BCKDHB: variants seen among roughly 807,000 people sequenced by gnomAD.
BCKDHB encodes 2-oxoisovalerate dehydrogenase subunit beta, mitochondrial.
BCKDHB carries 41 observed loss-of-function variants against 48.5 expected under a neutral mutation model. That is an observed-to-expected ratio of 0.85 (90% CI 0.66 to 1.10). The LOEUF is 1.10. BCKDHB is among the 50% of genes least tolerant of loss of function. BCKDHB has a pLI of 0.00. For missense variants in BCKDHB, 496 were observed against 494.2 expected (o/e 1.00, Z -0.03); for synonymous variants, 201 against 174.8 (o/e 1.15, Z -1.18).
rs372922388 is a variant in BCKDHB, at chr6:80,240,738, T to C, written c.952-32397T>C. Among the ~76,000 whole-genome samples, 23 of 152,306 alleles carry C rather than the reference T, an allele frequency of 1.5e-4. No homozygotes were observed. In the South Asian group the frequency reaches 3.5e-3, roughly 23 times the overall value. Reference sequence around the variant, plus strand: ...GTGGTGAGAGAGGGCATCCCTGTCTTGTGCCAGTTTTTAAAGGGAATGCTT... The same window carrying C: ...GTGGTGAGAGAGGGCATCCCTGTCTCGTGCCAGTTTTTAAAGGGAATGCTT... On this transcript the variant is annotated intron_variant, in intron 8 of 9. Transcript: ENST00000320393.
the BCKDHB span, among the ~76,000 whole-genome samples, chr6:80,442,179 G>A: frequency 6.6e-6 from 1 of 152,114 alleles, no homozygotes; most frequent in Non-Finnish European, 1.5e-5. Context: ...GACAGTTAGT[G>A]TTCGTAATGA....
intron 3 of BCKDHB, among the ~76,000 whole-genome samples, chr6:80,146,131 G>T (rs916812142): frequency 3.3e-5 from 5 of 152,120 alleles, no homozygotes; most frequent in African/African-American, 1.2e-4. Context: ...ATGGAATGTG[G>T]CCAGGGTGTT....
intron 6 of BCKDHB, among the ~76,000 whole-genome samples, chr6:80,181,157 A>G (rs886643664): frequency 6.6e-6 from 1 of 152,192 alleles, no homozygotes; most frequent in Non-Finnish European, 1.5e-5. Context: ...GAAGTGGACT[A>G]AGACAATTAG....
chr6:80,109,104 T>G (rs1451014884), intron 1 of BCKDHB, among the ~76,000 whole-genome samples: 1 of 152,172 alleles, frequency 6.6e-6, no homozygotes, highest in Non-Finnish European at 1.5e-5. Flanking sequence ...CTTTTACAAG[T>G]TAAATTCTTG....
At chr6:80,384,737 A>C in the BCKDHB span, among the ~76,000 whole-genome samples, 1 of 152,152 alleles carries the variant, frequency 6.6e-6, no homozygotes, top group Non-Finnish European at 1.5e-5. Context: ...CCTTGTGATC[A>C]TGTAAGTCAA....
In BCKDHB at chr6:80,171,374, A is replaced by G. The variant is rs1278834715; in HGVS notation, c.726A>G (p.Ile242Met). 36 of 1,597,148 alleles carry G rather than the reference A, an allele frequency of 2.3e-5. No individual in the cohort carries two copies. Among genetic ancestry groups the G allele is most frequent in the Non-Finnish European group, 2.9e-5 (34 of 1,168,888 alleles). Residue 242 changes from isoleucine to methionine, a missense_variant, in exon 6 of 10, where the codon ATA becomes ATG. Ile to Met is a conservative substitution (Grantham distance 10). Coordinates refer to ENST00000320393, the MANE Select transcript of BCKDHB (RefSeq NM_183050.4). ...CTTGTATATTTTTTGAACCTAAAAT[A>G]CTTTACAGGGCAGCAGGTAAAGATT... ...KNPCIFFEPKILYRAAAEEVP... is the reference protein window; with the variant it reads ...KNPCIFFEPKMLYRAAAEEVP...
intron 8 of BCKDHB, among the ~76,000 whole-genome samples, chr6:80,271,688 A>G (rs1777747082): frequency 6.6e-6 from 1 of 152,086 alleles, no homozygotes; most frequent in South Asian, 2.1e-4. Flanking sequence ...TGTCATCCTT[A>G]GATACTTTTA....
At chr6:80,160,821 A>G (rs1297429474) in intron 3 of BCKDHB, among the ~76,000 whole-genome samples, 2 of 152,222 alleles carry the variant, frequency 1.3e-5, no homozygotes, top group Non-Finnish European at 2.9e-5. Context: ...TTGACTTGGG[A>G]GATCATGGAG....
intron 3 of BCKDHB, among the ~76,000 whole-genome samples, chr6:80,150,215 A>G (rs1771703988): frequency 6.6e-6 from 1 of 152,074 alleles, no homozygotes; most frequent in African/African-American, 2.4e-5. Flanking sequence ...AGCCCTTGCT[A>G]TCTAGAATTC....
chr6:80,382,614 C>G, the BCKDHB span, among the ~76,000 whole-genome samples: 3 of 152,094 alleles, frequency 2.0e-5, no homozygotes. Context: ...TTATTGCACT[C>G]TGCAGGGGAT....
chr6:80,242,834 C>T (rs1488432547), intron 8 of BCKDHB, among the ~76,000 whole-genome samples: 1 of 151,944 alleles, frequency 6.6e-6, no homozygotes, highest in Non-Finnish European at 1.5e-5. Flanking sequence ...GGGCATCAGG[C>T]TAAATAGATG....
At chr6:80,221,567 A>G (rs1232575133) in intron 8 of BCKDHB, among the ~76,000 whole-genome samples, 1 of 152,034 alleles carries the variant, frequency 6.6e-6, no homozygotes, top group Non-Finnish European at 1.5e-5. Context: ...TAGGTGGGTA[A>G]TCATATTCTG....
intron 1 of BCKDHB, among the ~76,000 whole-genome samples, chr6:80,125,715 C>G (rs1770308229): frequency 6.6e-6 from 1 of 152,000 alleles, no homozygotes; most frequent in African/African-American, 2.4e-5. Context: ...AGTGAGAACA[C>G]ATACAACATT....
At chr6:80,438,146 T>G in the BCKDHB span, among the ~76,000 whole-genome samples, 6 of 152,328 alleles carry the variant, frequency 3.9e-5, no homozygotes, top group African/African-American at 1.2e-4. Context: ...TCAGCCTCGG[T>G]TTCTTCCTCA....
intron 8 of BCKDHB, among the ~76,000 whole-genome samples, chr6:80,258,619 A>T (rs1007520235): frequency 6.6e-6 from 1 of 152,194 alleles, no homozygotes; most frequent in African/African-American, 2.4e-5. Context: ...CGGGAGAGTG[A>T]GTACCTGCCT....
At chr6:80,381,721 TCTAA>T in the BCKDHB span, among the ~76,000 whole-genome samples, 2 of 152,134 alleles carry the variant, frequency 1.3e-5, no homozygotes, top group Non-Finnish European at 2.9e-5. Context: ...GAAGGACATT[TCTAA>T]CTACCAGCCA....
chr6:80,415,445 T>C, the BCKDHB span, among the ~76,000 whole-genome samples: 1 of 152,226 alleles, frequency 6.6e-6, no homozygotes, highest in African/African-American at 2.4e-5. Flanking sequence ...GAGATGTTTG[T>C]TAAATACCTA....
At chr6:80,395,956 T>A in the BCKDHB span, among the ~76,000 whole-genome samples, 2 of 152,142 alleles carry the variant, frequency 1.3e-5, no homozygotes, top group Admixed American at 1.3e-4. Context: ...TACACGTGGG[T>A]GCAAAGAAGT....
the BCKDHB span, among the ~76,000 whole-genome samples, chr6:80,400,498 T>C: frequency 1.3e-5 from 2 of 151,722 alleles, no homozygotes; most frequent in African/African-American, 2.4e-5. Context: ...ATTAGAAAAA[T>C]GCAAATCAAA....
Sources: gnomAD v4.1 joint callset for allele counts (sites outside exome capture counted in the v4.1 genomes callset) on GRCh38, gnomAD v4.1.1 for gene constraint, MANE v1.5 for transcripts, NCBI Gene and HGNC (gene_info 2026-07-23, HGNC 2026-07-21) for gene names.